Variants in UBN1 observed in about 807,000 individuals in gnomAD.
UBN1 encodes ubinuclein-1.
In UBN1, 17 loss-of-function variants were observed where a neutral mutation model predicts 108.5. The ratio of observed to expected loss-of-function variants is 0.16; its 90% CI spans 0.11 to 0.24. The LOEUF is 0.24. UBN1 is among the 10% of genes least tolerant of loss of function. The pLI is 1.00. For missense variants in UBN1, 1,595 were observed against 1,394.4 expected, an observed-to-expected ratio of 1.14 and a Z score of -2.29; for synonymous variants, 726 against 564.2, an observed-to-expected ratio of 1.29 and a Z score of -4.07.
At chr16:4,866,968 G>C (rs2087365420) in intron 7 of UBN1, among the ~76,000 whole-genome samples, 1 of 152,220 alleles carries the variant, frequency 6.6e-6, no homozygotes, top group Admixed American at 6.5e-5. Flanking sequence ...CTCTTGGGGG[G>C]CATATAGGAA....
chr16:4,879,775 C>T (rs1451789969), intron 17 of UBN1, among the ~76,000 whole-genome samples: 3 of 152,184 alleles, frequency 2.0e-5, no homozygotes, highest in East Asian at 3.9e-4. Context: ...CGTCAGGCCT[C>T]GCCTCAGGAT....
intron 13 of UBN1, 40 bp downstream of exon 13, chr16:4,872,974 G>A (rs766152388): frequency 6.2e-7 from 1 of 1,614,220 alleles, no homozygotes; most frequent in Admixed American, 1.7e-5. Context: ...GACAAGTGTT[G>A]TTTTTGGTCT....
At chr16:4,865,392 A>G (rs74720759) in intron 7 of UBN1, among the ~76,000 whole-genome samples, 14,862 of 152,238 alleles carry the variant, frequency 0.098, 944 homozygotes, top group Admixed American at 0.18. Flanking sequence ...ATCTAAACAG[A>G]AAATTTGGCA....
chr16:4,862,411 G>C (rs376804642), intron 7 of UBN1, among the ~76,000 whole-genome samples: 2 of 152,232 alleles, frequency 1.3e-5, no homozygotes, highest in South Asian at 2.1e-4. Context: ...AATGATTTAA[G>C]TGAATTGTAC....
Position 4,870,501 on chromosome 16 carries a change from T to G in UBN1, c.1312-15T>G, listed in dbSNP as rs752970740. 3 of 1,614,120 alleles carry G rather than the reference T, an allele frequency of 1.9e-6. No homozygotes were observed. The highest frequency in any genetic ancestry group is 2.5e-6 in the Non-Finnish European group (3 of 1,179,960). On this transcript the variant is annotated splice_polypyrimidine_tract_variant and intron_variant, in intron 9 of 17. Coordinates refer to ENST00000262376, the MANE Select transcript of UBN1 (RefSeq NM_001079514.3). ...ATGTGTAAACCTGCCTTGAATTGTGTCCCGCTCTTCGCAGGGGGGCCGTCT... is the reference window on the plus strand; with the variant it reads ...ATGTGTAAACCTGCCTTGAATTGTGGCCCGCTCTTCGCAGGGGGGCCGTCT...
At chr16:4,873,817 G>C (rs2087752021) in intron 14 of UBN1, among the ~76,000 whole-genome samples, 1 of 152,246 alleles carries the variant, frequency 6.6e-6, no homozygotes, top group Non-Finnish European at 1.5e-5. Context: ...AAAAATAGCT[G>C]CTTTAAGGCA....
chr16:4,859,240 C>T (rs1441489978), intron 5 of UBN1, 81 bp downstream of exon 5: 14 of 1,547,240 alleles, frequency 9.0e-6, no homozygotes, highest in South Asian at 3.6e-5. Flanking sequence ...TGCCAGAATA[C>T]GTGGCGCTTG....
At chr16:4,857,000 C>T (rs1444388240) in intron 2 of UBN1, among the ~76,000 whole-genome samples, 1 of 152,040 alleles carries the variant, frequency 6.6e-6, no homozygotes, top group African/African-American at 2.4e-5. Context: ...TTCTGTCTAC[C>T]TTGAAGTCTT....
In UBN1 at chr16:4,866,252, C is replaced by T. The variant is rs372145639; in HGVS notation, c.1111-2581C>T. ...GCACATGGCTGGGTGAAAAGTCATG[C>T]CCTTTTTTTCCATTATTCGTCTGTG... On this transcript the variant is annotated intron_variant, in intron 7 of 17. Coordinates refer to ENST00000262376, the MANE Select transcript of UBN1 (RefSeq NM_001079514.3). 1.8e-3 allele frequency among the ~76,000 whole-genome samples: 272 copies of T among 152,240 alleles called. 3 individuals are homozygous for T. Among genetic ancestry groups the T allele is most frequent in the South Asian group, 3.5e-3 (17 of 4,828 alleles).
At chr16:4,869,877 C>A (rs912570947) in intron 8 of UBN1, among the ~76,000 whole-genome samples, 1 of 152,104 alleles carries the variant, frequency 6.6e-6, no homozygotes, top group Non-Finnish European at 1.5e-5. Context: ...TCCTTTGAAC[C>A]CCAAGTAACT....
chr16:4,881,381 C>G lies in UBN1; in HGVS notation c.*1249C>G, dbSNP rs934590502. The G allele has an allele frequency of 6.6e-6, 1 of 152,228 alleles. No individual in the cohort carries two copies. Among genetic ancestry groups the G allele is most frequent in the Admixed American group, 6.6e-5 (1 of 15,266 alleles). The allele number at this position is 152,228 out of a possible 1,614,324, so 9.4% of individuals were successfully genotyped here. A position where few individuals can be genotyped will look rare whatever the true frequency, so the allele number is the denominator to read the frequency against. On this transcript the variant is annotated 3_prime_UTR_variant, in exon 18 of 18. Transcript: ENST00000262376. ...AGACTAGGACAGTTACTGCAGAGCT[C>G]CTAAGTCACCACTCAACCAGTGGCT...
intron 15 of UBN1, 75 bp downstream of exon 15, chr16:4,875,509 G>A (rs950195858): frequency 5.2e-5 from 79 of 1,528,350 alleles, no homozygotes; most frequent in African/African-American, 1.8e-4. Context: ...GCCTTGCCCC[G>A]GGTGGAGAGT....
chr16:4,858,548 C>T lies in UBN1; in HGVS notation c.337-20C>T, dbSNP rs780662485. On this transcript the variant is annotated intron_variant, in intron 3 of 17. Coordinates refer to ENST00000262376, the MANE Select transcript of UBN1 (RefSeq NM_001079514.3). ...TGTGTTTATTCAAAAAGCATGTAAT[C>T]TATTGCTTTCACATTTTAGGGTGGA... 3 of 1,604,992 alleles carry T rather than the reference C, an allele frequency of 1.9e-6. No homozygotes were observed. Among genetic ancestry groups the T allele is most frequent in the Non-Finnish European group, 2.6e-6 (3 of 1,171,820 alleles).
chr16:4,861,844 A>G (rs1329801247), intron 7 of UBN1, among the ~76,000 whole-genome samples: 1 of 152,224 alleles, frequency 6.6e-6, no homozygotes, highest in Non-Finnish European at 1.5e-5. Context: ...TGGGAGGCTG[A>G]GGCAGCAGAA....
Position 4,880,176 on chromosome 16 carries a change from A to T in UBN1, c.*44A>T, listed in dbSNP as rs746641686. 8.1e-6 allele frequency: 13 copies of T among 1,602,798 alleles called. No individual in the cohort carries two copies. Among genetic ancestry groups the T allele is most frequent in the Non-Finnish European group, 1.1e-5 (13 of 1,169,892 alleles). ...TTGCCACTTGGGTCTGGGTGGAATC[A>T]GAACGTGCAGGTCTCCCAGGATGTA... On this transcript the variant is annotated 3_prime_UTR_variant, in exon 18 of 18. Coordinates refer to ENST00000262376, the MANE Select transcript of UBN1 (RefSeq NM_001079514.3).
At chr16:4,854,626 A>T (rs548311552) in intron 2 of UBN1, among the ~76,000 whole-genome samples, 1 of 150,640 alleles carries the variant, frequency 6.6e-6, no homozygotes, top group East Asian at 2.0e-4. Context: ...TCCGCCTCCC[A>T]AAGTGTTAGG....
At chr16:4,849,812 G>T (rs1314373551) in intron 1 of UBN1, among the ~76,000 whole-genome samples, 1 of 151,370 alleles carries the variant, frequency 6.6e-6, no homozygotes, top group Non-Finnish European at 1.5e-5. Context: ...GTCCAGGCTG[G>T]TCTTAAACTC....
chr16:4,860,482 T>A (rs1183198955), intron 6 of UBN1, among the ~76,000 whole-genome samples, 182 bp from the exon 7 acceptor site: 2 of 152,194 alleles, frequency 1.3e-5, no homozygotes, highest in Admixed American at 6.5e-5. Flanking sequence ...CTGTATTAAC[T>A]CTCAAGCTTT....
intron 9 of UBN1, 80 bp downstream of exon 9, chr16:4,870,421 G>C (rs1459751076): frequency 3.1e-6 from 5 of 1,609,348 alleles, no homozygotes; most frequent in Non-Finnish European, 3.4e-6. Flanking sequence ...TGATGCGTCT[G>C]CTGCCCCACT....
Sources: allele counts gnomAD v4.1 joint callset (sites outside exome capture counted in the v4.1 genomes callset), GRCh38; gene constraint gnomAD v4.1.1; transcripts MANE v1.5; gene names NCBI Gene and HGNC (gene_info 2026-07-23, HGNC 2026-07-21).